Variants in MPV17 observed in about 807,000 individuals in gnomAD.
MPV17 encodes the protein mitochondrial inner membrane protein MPV17.
MPV17 carries 31 observed loss-of-function variants against 28.6 expected under a neutral mutation model. That is an observed-to-expected ratio of 1.08 (90% CI 0.81 to 1.46). MPV17 has a LOEUF of 1.46. MPV17 is among the 40% of genes most tolerant of loss of function. The pLI is 0.00. For missense variants in MPV17, 198 were observed against 216.2 expected, an observed-to-expected ratio of 0.92 and a Z score of 0.53; for synonymous variants, 87 against 85.3, an observed-to-expected ratio of 1.02 and a Z score of -0.11.
intron 2 of MPV17, 119 bp from the exon 3 acceptor site, chr2:27,313,228 T>C (rs1679528494): frequency 5.8e-6 from 9 of 1,564,398 alleles, no homozygotes; most frequent in African/African-American, 1.4e-5. Context: ...CAGGGCTTCA[T>C]TGTGGAAACA....
chr2:27,322,366 G>T, intron 2 of MPV17, 82 bp downstream of exon 2: 2 of 1,131,166 alleles, frequency 1.8e-6, no homozygotes, highest in Non-Finnish European at 1.3e-6. Flanking sequence ...GAAACAGGAA[G>T]TGAGGGTGGT....
Position 27,323,063 on chromosome 2 carries a change from G to A in MPV17, c.-17C>T, listed in dbSNP as rs1208902525. On this transcript the variant is annotated 5_prime_UTR_variant, in exon 1 of 8. Coordinates refer to ENST00000380044, the MANE Select transcript of MPV17 (RefSeq NM_002437.5). ...CACCCGCCACTCACCTGAGCGCCGAGCCTCCCTCCCACGTGACAGGCTGGC... is the reference window on the plus strand; with the variant it reads ...CACCCGCCACTCACCTGAGCGCCGAACCTCCCTCCCACGTGACAGGCTGGC... 6.2e-6 allele frequency: 1 copy of A among 160,550 alleles called. No homozygotes were observed. The highest frequency in any genetic ancestry group is 1.4e-5 in the Non-Finnish European group (1 of 72,054). The allele number at this position is 160,550 out of a possible 1,614,324, so 9.9% of individuals were successfully genotyped here.
chr2:27,322,764 C>G (rs1679905600), intron 1 of MPV17, among the ~76,000 whole-genome samples: 1 of 152,214 alleles, frequency 6.6e-6, no homozygotes, highest in South Asian at 2.1e-4. Flanking sequence ...ACCAGCCACC[C>G]CAACCTCATT....
intron 7 of MPV17, among the ~76,000 whole-genome samples, chr2:27,310,685 G>T (rs977637401): frequency 9.2e-5 from 14 of 152,238 alleles, no homozygotes; most frequent in Non-Finnish European, 1.6e-4. Flanking sequence ...TGGTTTCAAA[G>T]AGTGTTGCAA....
At chr2:27,319,468 A>G (rs990264769) in intron 2 of MPV17, among the ~76,000 whole-genome samples, 1 of 143,252 alleles carries the variant, frequency 7.0e-6, no homozygotes, top group Admixed American at 6.7e-5. Context: ...GCAGTGGCAT[A>G]GTCACAGTTC....
chr2:27,318,889 C>T lies in MPV17; in HGVS notation c.70+3559G>A, dbSNP rs184286960. 1.4e-3 allele frequency among the ~76,000 whole-genome samples: 202 copies of T among 149,586 alleles called. 6 individuals are homozygous for T. The East Asian group carries it at 0.038, about 28-fold the overall frequency. On this transcript the variant is annotated intron_variant, in intron 2 of 7. Coordinates refer to ENST00000380044, the MANE Select transcript of MPV17 (RefSeq NM_002437.5). Reference sequence around the variant, plus strand: ...AAGCAATTTTCCTGCCTCAGTCTCCCGAGTAGCTGGGATTACAGGCACCCG... The same window carrying T: ...AAGCAATTTTCCTGCCTCAGTCTCCTGAGTAGCTGGGATTACAGGCACCCG...
At position 27,312,366 on chromosome 2, in the gene MPV17, GCT is replaced by G. The variant is rs775364154; in HGVS notation, c.376-122_376-121del. 5.7e-6 allele frequency: 8 copies of G among 1,410,176 alleles called. No homozygotes were observed. In the South Asian group the frequency reaches 9.2e-5, roughly 16 times the overall value. The allele number at this position is 1,410,176 out of a possible 1,614,324, so 87.4% of individuals were successfully genotyped here. ...GCACATTCCTGCACCATAACCCTCA[GCT>G]CCTCTCCTCCATGGCCTGGGGCCCT... On this transcript the variant is annotated intron_variant, in intron 5 of 7. Coordinates refer to ENST00000380044, the MANE Select transcript of MPV17 (RefSeq NM_002437.5).
At chr2:27,316,895 G>T in intron 2 of MPV17, 2 of 561,810 alleles carry the variant, frequency 3.6e-6, no homozygotes, top group Non-Finnish European at 3.1e-6. Context: ...CTGGGTAGGT[G>T]CCAGTTCTCA....
intron 2 of MPV17, chr2:27,321,874 G>T (rs1403157319): frequency 1.3e-5 from 2 of 154,498 alleles, no homozygotes; most frequent in Non-Finnish European, 2.9e-5. Flanking sequence ...AGGAAATTTT[G>T]GGTGAATTAC....
intron 2 of MPV17, among the ~76,000 whole-genome samples, chr2:27,314,060 C>A (rs1679557459): frequency 6.6e-6 from 1 of 152,182 alleles, no homozygotes; most frequent in Non-Finnish European, 1.5e-5. Flanking sequence ...AATGGTGGCT[C>A]ACACCTGTAA....
Position 27,309,584 on chromosome 2 carries a change from C to T in MPV17, c.*328G>A, listed in dbSNP as rs1389060136. 6 of 544,904 alleles carry T rather than the reference C, an allele frequency of 1.1e-5. No individual in the cohort carries two copies. The highest frequency in any genetic ancestry group is 7.6e-5 in the African/African-American group (4 of 52,912). 33.8% of individuals were successfully genotyped at this position (544,904 alleles called of 1,614,324 possible). ...GAGCTGGAGCTACAAGAAGCCTAGG[C>T]AGGGTTAGAGTAACAAATGTGTCTA... On this transcript the variant is annotated 3_prime_UTR_variant, in exon 8 of 8. Coordinates refer to ENST00000380044, the MANE Select transcript of MPV17 (RefSeq NM_002437.5).
intron 2 of MPV17, among the ~76,000 whole-genome samples, chr2:27,316,520 G>T (rs1282389951): frequency 6.6e-6 from 1 of 152,150 alleles, no homozygotes; most frequent in African/African-American, 2.4e-5. Context: ...CTCCAAGGTG[G>T]TATAAGGCTT....
chr2:27,315,052 G>T (rs181953951), intron 2 of MPV17, among the ~76,000 whole-genome samples: 19 of 152,338 alleles, frequency 1.2e-4, no homozygotes, highest in Non-Finnish European at 2.5e-4. Context: ...TCCCAAAGTG[G>T]TGGGGGTCTT....
chr2:27,316,666 G>T, intron 2 of MPV17: 1 of 211,274 alleles, frequency 4.7e-6, no homozygotes. Flanking sequence ...CAGCCTCTGG[G>T]AGATCTCCTG....
Position 27,312,533 on chromosome 2 carries a change from A to G in MPV17, c.336T>C (p.Asn112=). Residue 112 remains asparagine (N), a synonymous_variant, in exon 5 of 8, where the codon AAT becomes AAC. Transcript: ENST00000380044. The part of the protein sequence containing the change: ...GCFLPLVGAL[N]GLSAQDNWAK... The stretch of plus-strand genomic sequence containing the variant: ...CCCAGTTGTCCTGGGCTGACAGTCC[A>G]TTAAGTGCCCCTACCAGTGGGAGAA... 1 of 1,614,196 alleles carries G rather than the reference A, an allele frequency of 6.2e-7. No individual in the cohort carries two copies. The highest frequency in any genetic ancestry group is 8.5e-7 in the Non-Finnish European group (1 of 1,179,990).
chr2:27,322,348 G>T, intron 2 of MPV17, 100 bp downstream of exon 2: 2 of 1,024,746 alleles, frequency 2.0e-6, no homozygotes, highest in Non-Finnish European at 3.1e-6. Flanking sequence ...CTTCAAGAGA[G>T]CCGAATAGAA....
chr2:27,309,595 T>C lies in MPV17; in HGVS notation c.*317A>G. 1 of 568,796 alleles carries C rather than the reference T, an allele frequency of 1.8e-6. No homozygotes were observed. Among genetic ancestry groups the C allele is most frequent in the South Asian group, 2.1e-5 (1 of 46,846 alleles). The allele number at this position is 568,796 out of a possible 1,614,324, so 35.2% of individuals were successfully genotyped here. A position where few individuals can be genotyped will look rare whatever the true frequency, so the allele number is the denominator to read the frequency against. On this transcript the variant is annotated 3_prime_UTR_variant, in exon 8 of 8. Coordinates refer to ENST00000380044, the MANE Select transcript of MPV17 (RefSeq NM_002437.5). ...ACAAGAAGCCTAGGCAGGGTTAGAGTAACAAATGTGTCTATGAAGAGTGGG... is the reference window on the plus strand; with the variant it reads ...ACAAGAAGCCTAGGCAGGGTTAGAGCAACAAATGTGTCTATGAAGAGTGGG...
At chr2:27,312,149 C>T (rs1024704018) in intron 6 of MPV17, 65 bp downstream of exon 6, 84 of 1,570,314 alleles carry the variant, frequency 5.3e-5, no homozygotes, top group Non-Finnish European at 6.9e-5. Flanking sequence ...GAGGACCCCC[C>T]AATCCCAGGA....
chr2:27,320,733 A>G (rs1421200894), intron 2 of MPV17, among the ~76,000 whole-genome samples: 1 of 152,002 alleles, frequency 6.6e-6, no homozygotes, highest in African/African-American at 2.4e-5. Flanking sequence ...TAAGATTCAA[A>G]TCCTGGTCTT....
Sources: gnomAD v4.1 joint callset for allele counts (sites outside exome capture counted in the v4.1 genomes callset) on GRCh38, gnomAD v4.1.1 for gene constraint, MANE v1.5 for transcripts, NCBI Gene and HGNC (gene_info 2026-07-23, HGNC 2026-07-21) for gene names.